PRH1: variants seen among roughly 807,000 people sequenced by gnomAD.
PRH1 encodes the protein proline rich protein HaeIII subfamily 1.
PRH1 carries 7 observed loss-of-function variants against 7.9 expected under a neutral mutation model. That is an observed-to-expected ratio of 0.89 (90% CI 0.50 to 1.67). PRH1 has a LOEUF of 1.67. Among genes scored for constraint, PRH1 ranks in the 40% most tolerant of loss-of-function variants. The pLI is 0.00. For synonymous variants in PRH1, 45 were observed against 80.8 expected (o/e 0.56, Z 2.38); for missense variants, 109 against 223.6 (o/e 0.49, Z 3.27).
intron 1 of PRH1, among the ~76,000 whole-genome samples, chr12:11,005,366 T>G (rs1940779131): frequency 6.6e-6 from 1 of 152,136 alleles, no homozygotes. Context: ...TTCAGCAATG[T>G]CAGTTGTTAG....
intron 1 of PRH1, among the ~76,000 whole-genome samples, chr12:11,140,948 T>G (rs1946684623): frequency 6.6e-6 from 1 of 152,060 alleles, no homozygotes. Context: ...GCATTCAAGG[T>G]TTTCTTAGGA....
At chr12:11,017,750 C>T (rs1173468084) in intron 1 of PRH1, among the ~76,000 whole-genome samples, 1 of 151,998 alleles carries the variant, frequency 6.6e-6, no homozygotes, top group African/African-American at 2.4e-5. Flanking sequence ...GCGTTGGTCT[C>T]CCAAAGTGCT....
chr12:10,905,627 C>T (rs1250457868), intron 2 of PRH1, among the ~76,000 whole-genome samples: 1 of 151,724 alleles, frequency 6.6e-6, no homozygotes, highest in Non-Finnish European at 1.5e-5. Context: ...GATCATGTCA[C>T]TGCACTTCAG....
chr12:10,882,296 T>G lies in PRH1; in HGVS notation c.503A>C (p.Gln168Pro). The G allele has an allele frequency of 6.2e-7, 1 of 1,610,658 alleles. No individual in the cohort carries two copies. The highest frequency in any genetic ancestry group is 8.5e-7 in the Non-Finnish European group (1 of 1,178,766). ...GPPPPPPGKP[Q>P]GPPPQGGRPQ... is the part of the protein sequence containing the mutation. ...GCGGCCCCCTTGGGGAGGTGGTCCCTGGGGCTTTCCAGGAGGAGGTGGGGG... is the reference window on the plus strand; with the variant it reads ...GCGGCCCCCTTGGGGAGGTGGTCCCGGGGGCTTTCCAGGAGGAGGTGGGGG... Residue 168 changes from glutamine to proline, a missense_variant, in exon 3 of 4, where the codon CAG becomes CCG. Around this residue, in one of 3 missense-constraint regions of PRH1, gnomAD observed 45 missense variants for 88.8 expected, o/e 0.51. Coordinates refer to ENST00000543626, the MANE Select transcript of PRH1 (RefSeq NM_001393989.1).
chr12:11,106,898 T>C, intron 1 of PRH1, among the ~76,000 whole-genome samples: 1 of 152,230 alleles, frequency 6.6e-6, no homozygotes, highest in Non-Finnish European at 1.5e-5. Context: ...ACTAGTTGTA[T>C]AACTGCTTTC....
rs566816012 is a variant in PRH1 at position 11,168,162 on chromosome 12, G to A, written n.39+3260C>T. 3.4e-3 allele frequency among the ~76,000 whole-genome samples: 495 copies of A among 146,446 alleles called. 91 individuals carry two copies. The highest frequency in any genetic ancestry group is 0.011 in the Middle Eastern group (3 of 284). ...ATGTTCTGGTAAGAATTACAATGAT[G>A]TCAAACTATATGTACATATTAAAGC... On this transcript the variant is annotated intron_variant and non_coding_transcript_variant, in intron 1 of 1. Coordinates refer to the PRH1 transcript ENST00000541175.
intron 1 of PRH1, among the ~76,000 whole-genome samples, chr12:11,057,864 A>T (rs1277566607): frequency 6.6e-6 from 1 of 152,268 alleles, no homozygotes; most frequent in East Asian, 1.9e-4. Flanking sequence ...GAATAATAGC[A>T]CTGCTTCACT....
At chr12:11,114,162 C>T (rs183726076) in intron 1 of PRH1, among the ~76,000 whole-genome samples, 2 of 152,168 alleles carry the variant, frequency 1.3e-5, no homozygotes, top group East Asian at 3.9e-4. Flanking sequence ...TGGGTACATA[C>T]CCAAAGGATT....
At chr12:10,914,352 T>TC (rs1042048839) in intron 2 of PRH1, among the ~76,000 whole-genome samples, 1 of 152,192 alleles carries the variant, frequency 6.6e-6, no homozygotes, top group African/African-American at 2.4e-5. Flanking sequence ...GCAATGAGAA[T>TC]ACATGTGCCA....
rs1344323026 is a variant in PRH1 at position 11,094,430 on chromosome 12, T to A, written n.124-47242A>T. Among the ~76,000 whole-genome samples, 5 of 109,294 alleles carry A rather than the reference T, an allele frequency of 4.6e-5. 2 individuals are homozygous for A. The highest frequency in any genetic ancestry group is 1.1e-4 in the Non-Finnish European group (5 of 46,958). 71.7% of individuals were successfully genotyped at this position (109,294 alleles called of 152,430 possible). On this transcript the variant is annotated intron_variant and non_coding_transcript_variant, in intron 1 of 4. Transcript: ENST00000541977. Reference sequence around the variant, plus strand: ...TAAAAGAACTCTGCTAAACCAAGAGTGTGGGAAATATGTACATCCTTGTTG... The same window carrying A: ...TAAAAGAACTCTGCTAAACCAAGAGAGTGGGAAATATGTACATCCTTGTTG...
chr12:10,906,343 C>T (rs1366541728), intron 2 of PRH1, among the ~76,000 whole-genome samples: 2 of 152,248 alleles, frequency 1.3e-5, no homozygotes, highest in African/African-American at 4.8e-5. Flanking sequence ...AAATAATTTT[C>T]TTACAGGAAA....
At chr12:10,920,358 G>A (rs1284670660) in intron 2 of PRH1, among the ~76,000 whole-genome samples, 1 of 151,936 alleles carries the variant, frequency 6.6e-6, no homozygotes, top group African/African-American at 2.4e-5. Flanking sequence ...TTGAATATGT[G>A]AATTAATTTG....
At chr12:11,028,357 A>G (rs1175032750) in intron 1 of PRH1, among the ~76,000 whole-genome samples, 1 of 152,234 alleles carries the variant, frequency 6.6e-6, no homozygotes, top group Non-Finnish European at 1.5e-5. Context: ...AAGTGCTGGA[A>G]GCCAAGTACA....
chr12:11,146,223 T>A (rs1377684210), intron 1 of PRH1, among the ~76,000 whole-genome samples: 1 of 152,118 alleles, frequency 6.6e-6, no homozygotes, highest in East Asian at 1.9e-4. Flanking sequence ...ACATTTTTTT[T>A]CTTTCAGTCT....
At chr12:10,898,855 A>T (rs1591657748) in intron 2 of PRH1, among the ~76,000 whole-genome samples, 2 of 152,220 alleles carry the variant, frequency 1.3e-5, no homozygotes, top group South Asian at 4.1e-4. Context: ...CTAACATTGG[A>T]TGTACCTAGT....
intron 1 of PRH1, chr12:10,986,684 G>C (rs773330839): frequency 6.2e-7 from 1 of 1,612,636 alleles, no homozygotes; most frequent in Non-Finnish European, 8.5e-7. Flanking sequence ...ATAATGCCCA[G>C]AGCAAACCAA....
chr12:11,025,167 G>A (rs758592325), intron 1 of PRH1, among the ~76,000 whole-genome samples: 33 of 151,938 alleles, frequency 2.2e-4, no homozygotes, highest in Non-Finnish European at 4.3e-4. Context: ...GCAGGTGCCC[G>A]CCACCACGCC....
chr12:11,074,544 C>G lies in PRH1; in HGVS notation n.124-27356G>C, dbSNP rs1257087096. On this transcript the variant is annotated intron_variant and non_coding_transcript_variant, in intron 1 of 4. Transcript: ENST00000541977. ...GAGCACATAGTTAGATGAACTTGCC[C>G]GAAGGGACTGTCTGGTGAGGGGATA... Among the ~76,000 whole-genome samples, 5 of 126,902 alleles carry G rather than the reference C, an allele frequency of 3.9e-5. No homozygotes were observed. The South Asian group carries it at 1.1e-3, about 28-fold the overall frequency. The allele number at this position is 126,902 out of a possible 152,430, so 83.3% of individuals were successfully genotyped here.
intron 1 of PRH1, among the ~76,000 whole-genome samples, chr12:11,106,711 T>C (rs1945430469): frequency 6.6e-6 from 1 of 152,062 alleles, no homozygotes; most frequent in Non-Finnish European, 1.5e-5. Flanking sequence ...TTTTACAGTA[T>C]AATTGTTTCT....
Sources: allele counts gnomAD v4.1 joint callset (sites outside exome capture counted in the v4.1 genomes callset), GRCh38; gene constraint gnomAD v4.1.1; regional missense constraint gnomAD v4.1.1; transcripts MANE v1.5; gene names NCBI Gene and HGNC (gene_info 2026-07-23, HGNC 2026-07-21).